SYT1: variants seen among roughly 807,000 people sequenced by gnomAD.
SYT1 encodes synaptotagmin 1.
In SYT1, 8 loss-of-function variants were observed where a neutral mutation model predicts 44.8. The ratio of observed to expected loss-of-function variants is 0.18; its 90% confidence interval spans 0.10 to 0.32. SYT1 has a LOEUF of 0.32. Among genes scored for constraint, SYT1 ranks in the 10% least tolerant of loss-of-function variants. The probability of loss-of-function intolerance (pLI) is 1.00; values close to 1 mark genes in which losing one functional copy is unlikely to be tolerated. For missense variants in SYT1, 286 were observed against 509.3 expected (o/e 0.56, Z 4.22); for synonymous variants, 154 against 188.8 (o/e 0.82, Z 1.51).
At chr12:79,055,627 G>A (rs2950383) in intron 3 of SYT1, among the ~76,000 whole-genome samples, 37,044 of 151,700 alleles carry the variant, frequency 0.24, 5,757 homozygotes, top group Non-Finnish European at 0.35. Flanking sequence ...GTGTCAGCAG[G>A]AAAACAAAAT....
At chr12:79,254,501 T>G (rs1877404211) in intron 4 of SYT1, among the ~76,000 whole-genome samples, 1 of 152,232 alleles carries the variant, frequency 6.6e-6, no homozygotes, top group Admixed American at 6.5e-5. Flanking sequence ...TGATGTTGTT[T>G]TCATGCTTGT....
intron 9 of SYT1, chr12:79,392,796 T>C (rs1884712940): frequency 6.9e-6 from 1 of 144,714 alleles, no homozygotes; most frequent in Admixed American, 7.0e-5. Flanking sequence ...TTATTTTTCT[T>C]TCTTTTTTTT....
At chr12:79,041,483 A>G (rs1873567820) in intron 2 of SYT1, among the ~76,000 whole-genome samples, 1 of 151,878 alleles carries the variant, frequency 6.6e-6, no homozygotes, top group Non-Finnish European at 1.5e-5. Flanking sequence ...TTGTATCCTG[A>G]GACTTTGCTG....
chr12:79,291,824 A>G (rs1224962912), intron 5 of SYT1, 184 bp from the exon 6 acceptor site: 2 of 795,100 alleles, frequency 2.5e-6, no homozygotes, highest in Non-Finnish European at 4.2e-6. Context: ...GGGGAAAGAA[A>G]TTCCGTGCAC....
At chr12:79,270,156 A>C (rs566683538) in intron 4 of SYT1, among the ~76,000 whole-genome samples, 1 of 152,304 alleles carries the variant, frequency 6.6e-6, no homozygotes, top group South Asian at 2.1e-4. Context: ...ACTTTGAAAA[A>C]GATTTTTTGT....
At chr12:78,931,958 C>A (rs1274913660) in intron 1 of SYT1, among the ~76,000 whole-genome samples, 1 of 144,870 alleles carries the variant, frequency 6.9e-6, no homozygotes, top group Non-Finnish European at 1.5e-5. Flanking sequence ...CTACAAGAAT[C>A]TTTAAACTTT....
chr12:79,406,003 C>T (rs891947857), intron 9 of SYT1, among the ~76,000 whole-genome samples: 2 of 151,976 alleles, frequency 1.3e-5, no homozygotes, highest in Non-Finnish European at 2.9e-5. Flanking sequence ...ATCATCATGG[C>T]TGGCTTTTAA....
chr12:78,887,738 C>A (rs570555306), intron 1 of SYT1, among the ~76,000 whole-genome samples: 4 of 151,796 alleles, frequency 2.6e-5, no homozygotes, highest in African/African-American at 9.7e-5. Context: ...AATTATATAT[C>A]ATAAAGTTAC....
At chr12:79,050,499 C>G (rs1255722811) in intron 3 of SYT1, among the ~76,000 whole-genome samples, 1 of 152,012 alleles carries the variant, frequency 6.6e-6, no homozygotes, top group Non-Finnish European at 1.5e-5. Context: ...TCCTTGTAAA[C>G]TCTGATCACA....
chr12:79,437,195 T>C (rs1044086414), intron 9 of SYT1, among the ~76,000 whole-genome samples: 29 of 152,170 alleles, frequency 1.9e-4, no homozygotes, highest in African/African-American at 7.0e-4. Flanking sequence ...GAGTTTGGAT[T>C]TTTTTAGTCC....
At chr12:79,134,765 G>A (rs1305679515) in intron 3 of SYT1, among the ~76,000 whole-genome samples, 1 of 151,974 alleles carries the variant, frequency 6.6e-6, no homozygotes, top group African/African-American at 2.4e-5. Flanking sequence ...ACAGGGCTGG[G>A]CATTATGAGA....
At chr12:79,229,552 T>C (rs1340218315) in intron 4 of SYT1, among the ~76,000 whole-genome samples, 1 of 152,090 alleles carries the variant, frequency 6.6e-6, no homozygotes, top group African/African-American at 2.4e-5. Context: ...AACAATCCTA[T>C]GGCAGAAAGT....
At chr12:78,972,212 T>C (rs527248185) in intron 1 of SYT1, among the ~76,000 whole-genome samples, 217 of 152,224 alleles carry the variant, frequency 1.4e-3, no homozygotes, top group Non-Finnish European at 2.0e-3. Context: ...TCATGTAAGA[T>C]ATCTTGCCAC....
intron 4 of SYT1, among the ~76,000 whole-genome samples, chr12:79,258,663 A>C (rs1249902467): frequency 6.6e-6 from 1 of 152,210 alleles, no homozygotes; most frequent in Non-Finnish European, 1.5e-5. Flanking sequence ...TGTGTAATAA[A>C]AGCATAAAGA....
At chr12:78,870,405 C>T (rs754942243) in intron 1 of SYT1, among the ~76,000 whole-genome samples, 1 of 151,696 alleles carries the variant, frequency 6.6e-6, no homozygotes, top group Non-Finnish European at 1.5e-5. Context: ...CTTAGAGTTC[C>T]GATATTTTTT....
intron 3 of SYT1, among the ~76,000 whole-genome samples, chr12:79,075,026 C>T (rs1876546184): frequency 6.6e-6 from 1 of 152,140 alleles, no homozygotes; most frequent in African/African-American, 2.4e-5. Context: ...TCTCAAGGAT[C>T]TCTAATTAGA....
intron 4 of SYT1, among the ~76,000 whole-genome samples, chr12:79,236,473 T>C (rs1384988638): frequency 6.6e-6 from 1 of 152,190 alleles, no homozygotes; most frequent in African/African-American, 2.4e-5. Context: ...CATCTCTGTA[T>C]AGTCAAACCT....
At chr12:78,953,323 A>G (rs913926063) in intron 1 of SYT1, among the ~76,000 whole-genome samples, 1 of 152,138 alleles carries the variant, frequency 6.6e-6, no homozygotes, top group Non-Finnish European at 1.5e-5. Context: ...CCCTCTTCAG[A>G]GCACCCATGC....
intron 1 of SYT1, among the ~76,000 whole-genome samples, chr12:78,951,531 GACA>G (rs1164957251): frequency 2.0e-5 from 3 of 152,066 alleles, no homozygotes; most frequent in African/African-American, 7.2e-5. Flanking sequence ...TGGTTTCCAG[GACA>G]ACATTAATAT....
Sources: gnomAD v4.1 joint callset for allele counts (sites outside exome capture counted in the v4.1 genomes callset) on GRCh38, gnomAD v4.1.1 for gene constraint, MANE v1.5 for transcripts, NCBI Gene and HGNC (gene_info 2026-07-23, HGNC 2026-07-21) for gene names.